The following GFRA1 variants were observed in gnomAD, a reference collection of about 807,000 sequenced individuals.
GFRA1 encodes GDNF family receptor alpha-1.
A neutral mutation model predicts 51.6 loss-of-function variants in GFRA1; 16 were observed. That is an observed-to-expected ratio of 0.31 (90% CI 0.21 to 0.47). The LOEUF is 0.47. Among genes scored for constraint, GFRA1 ranks in the 20% least tolerant of loss-of-function variants. The pLI is 1.00. For synonymous variants in GFRA1, 270 were observed against 241.3 expected, an observed-to-expected ratio of 1.12 and a Z score of -1.10; for missense variants, 530 against 594.3, an observed-to-expected ratio of 0.89 and a Z score of 1.13.
At chr10:116,121,760 G>C (rs1389031441) in intron 6 of GFRA1, among the ~76,000 whole-genome samples, 1 of 152,148 alleles carries the variant, frequency 6.6e-6, no homozygotes, top group African/African-American at 2.4e-5. Flanking sequence ...CTATTCAAAT[G>C]AGACCTCAAG....
chr10:116,093,692 A>G lies in GFRA1; in HGVS notation c.1015+10T>C, dbSNP rs1956450704. 2 of 1,612,996 alleles carry G rather than the reference A, an allele frequency of 1.2e-6. No individual in the cohort carries two copies. Among genetic ancestry groups the G allele is most frequent in the African/African-American group, 1.3e-5 (1 of 75,032 alleles). On this transcript the variant is annotated intron_variant, in intron 8 of 10. Transcript: ENST00000355422. ...TTTGCTCCTTTGTTTCTTATTTTTT[A>G]CAAACTCACTAAGACATGTATTGTC...
intron 6 of GFRA1, among the ~76,000 whole-genome samples, chr10:116,102,778 G>A (rs919241981): frequency 2.6e-5 from 4 of 152,138 alleles, no homozygotes; most frequent in African/African-American, 9.7e-5. Context: ...CAACACATGG[G>A]AATTATGGAA....
chr10:116,100,419 G>C (rs778420245), intron 6 of GFRA1, among the ~76,000 whole-genome samples: 1 of 152,158 alleles, frequency 6.6e-6, no homozygotes, highest in African/African-American at 2.4e-5. Flanking sequence ...CATTCAATCT[G>C]ATGCCAGAGC....
intron 4 of GFRA1, among the ~76,000 whole-genome samples, chr10:116,269,239 G>GAAAA: frequency 6.8e-6 from 1 of 147,802 alleles, no homozygotes; most frequent in Non-Finnish European, 1.5e-5. Flanking sequence ...TTTTAATGTG[G>GAAAA]AAAAAAAAAA....
At chr10:116,097,325 G>A (rs1481546958) in intron 6 of GFRA1, among the ~76,000 whole-genome samples, 1 of 152,218 alleles carries the variant, frequency 6.6e-6, no homozygotes, top group Admixed American at 6.5e-5. Context: ...GCACTGGGGA[G>A]GAGCCTGCCT....
rs111929505 is a variant in GFRA1 at position 116,249,885 on chromosome 10, A to G, written c.418+19618T>C. On this transcript the variant is annotated intron_variant, in intron 4 of 10. Coordinates refer to ENST00000355422, the MANE Select transcript of GFRA1 (RefSeq NM_005264.8). ...GTAAATCTACAAAATAGCTGAGGATAGTGGTAGGGTCTGTGCAGATAACGA... is the reference window on the plus strand; with the variant it reads ...GTAAATCTACAAAATAGCTGAGGATGGTGGTAGGGTCTGTGCAGATAACGA... 6.8e-3 allele frequency among the ~76,000 whole-genome samples: 1,039 copies of G among 152,320 alleles called. 12 individuals carry two copies. The highest frequency in any genetic ancestry group is 0.024 in the African/African-American group (1,000 of 41,578).
intron 4 of GFRA1, among the ~76,000 whole-genome samples, chr10:116,224,285 G>C (rs1966126805): frequency 6.6e-6 from 1 of 152,204 alleles, no homozygotes; most frequent in African/African-American, 2.4e-5. Flanking sequence ...CAGTCTGGCA[G>C]GTCCTCAAAT....
Position 116,178,261 on chromosome 10 carries a change from A to C in GFRA1, c.433+33370T>G, listed in dbSNP as rs547142896. Among the ~76,000 whole-genome samples the C allele has an allele frequency of 2.7e-5, 4 of 147,658 alleles. No individual in the cohort carries two copies. The South Asian group carries it at 8.8e-4, about 32-fold the overall frequency. On this transcript the variant is annotated intron_variant, in intron 5 of 10. Transcript: ENST00000355422. ...TAAACACAAGGATGCTGGCTGTGCC[A>C]AGAGCCCTTCCCTGGAGCATGTGAG...
At chr10:116,239,224 A>G (rs554125736) in intron 4 of GFRA1, among the ~76,000 whole-genome samples, 1 of 152,368 alleles carries the variant, frequency 6.6e-6, no homozygotes, top group South Asian at 2.1e-4. Flanking sequence ...GCATTGCATG[A>G]CTTGTATTTC....
At chr10:116,230,793 T>A (rs1966632697) in intron 4 of GFRA1, among the ~76,000 whole-genome samples, 1 of 152,044 alleles carries the variant, frequency 6.6e-6, no homozygotes. Context: ...AAGCTATCAG[T>A]GAGTAAACTG....
At chr10:116,184,833 T>C (rs1460836471) in intron 5 of GFRA1, among the ~76,000 whole-genome samples, 1 of 152,030 alleles carries the variant, frequency 6.6e-6, no homozygotes, top group Admixed American at 6.5e-5. Context: ...AGAGTCTCCC[T>C]GGTGGGACAG....
intron 4 of GFRA1, among the ~76,000 whole-genome samples, chr10:116,222,743 C>A (rs760068394): frequency 7.2e-5 from 11 of 152,188 alleles, no homozygotes; most frequent in Non-Finnish European, 1.2e-4. Flanking sequence ...CAACCAAATT[C>A]TTTGGCATGC....
In GFRA1 at chr10:116,061,517, T is replaced by C. The variant is rs542764774; in HGVS notation, c.*2881A>G. The C allele has an allele frequency of 7.4e-4, 114 of 153,790 alleles. No homozygotes were observed. Among genetic ancestry groups the C allele is most frequent in the Non-Finnish European group, 1.2e-3 (84 of 69,100 alleles). The allele number at this position is 153,790 out of a possible 1,614,324, so 9.5% of individuals were successfully genotyped here. The stretch of plus-strand genomic sequence containing the variant: ...CATCAAAGTGGAATGAATGTGCTTC[T>C]AATCAGTGTGGCAATACTGCCTTTA... On this transcript the variant is annotated 3_prime_UTR_variant, in exon 11 of 11. Coordinates refer to ENST00000355422, the MANE Select transcript of GFRA1 (RefSeq NM_005264.8).
intron 4 of GFRA1, among the ~76,000 whole-genome samples, chr10:116,244,583 A>G (rs1967714841): frequency 6.6e-6 from 1 of 151,100 alleles, no homozygotes. Flanking sequence ...TAAAATTTTA[A>G]AAATTCAATA....
intron 4 of GFRA1, among the ~76,000 whole-genome samples, chr10:116,219,976 T>G (rs1393524247): frequency 3.9e-5 from 6 of 152,224 alleles, no homozygotes; most frequent in African/African-American, 1.4e-4. Flanking sequence ...TTCTACTAGA[T>G]GATCTCTAAG....
intron 5 of GFRA1, among the ~76,000 whole-genome samples, chr10:116,198,897 T>A (rs1188882719): frequency 6.6e-6 from 1 of 152,194 alleles, no homozygotes; most frequent in African/African-American, 2.4e-5. Context: ...GCGGTCACGA[T>A]GGATTAGGGT....
At chr10:116,074,802 A>G (rs1363609366) in intron 9 of GFRA1, among the ~76,000 whole-genome samples, 3 of 152,358 alleles carry the variant, frequency 2.0e-5, no homozygotes, top group East Asian at 3.9e-4. Context: ...TTGCTTCCAC[A>G]TAAGGGAGTT....
chr10:116,090,813 CTT>C (rs1956303688), intron 8 of GFRA1, among the ~76,000 whole-genome samples: 1 of 152,058 alleles, frequency 6.6e-6, no homozygotes, highest in Non-Finnish European at 1.5e-5. Flanking sequence ...ATATATGACT[CTT>C]AGTTGGCATT....
At chr10:116,182,974 T>A (rs768176322) in intron 5 of GFRA1, among the ~76,000 whole-genome samples, 1 of 152,228 alleles carries the variant, frequency 6.6e-6, no homozygotes, top group African/African-American at 2.4e-5. Context: ...ACAGTGTAAC[T>A]GACCTTTTGG....
Sources: allele counts gnomAD v4.1 joint callset (sites outside exome capture counted in the v4.1 genomes callset), GRCh38; gene constraint gnomAD v4.1.1; transcripts MANE v1.5; gene names NCBI Gene and HGNC (gene_info 2026-07-23, HGNC 2026-07-21).